The following PTPRE variants were observed in gnomAD, a reference collection of about 807,000 sequenced individuals.
The protein encoded by PTPRE is protein tyrosine phosphatase receptor type E, also known as receptor-type tyrosine-protein phosphatase epsilon.
Under a neutral mutation model 102.0 loss-of-function variants are expected in PTPRE, and 51 were observed. The ratio of observed to expected loss-of-function variants is 0.50; its 90% CI spans 0.40 to 0.63. The LOEUF (loss-of-function observed/expected upper bound fraction) is 0.63, where lower values mean the gene tolerates loss of function less well. Ranked by LOEUF, PTPRE falls within the 30% of genes least tolerant of loss-of-function variation. The pLI is 0.00. For missense variants in PTPRE, 752 were observed against 915.1 expected, an observed-to-expected ratio of 0.82 and a Z score of 2.30; for synonymous variants, 345 against 348.2, an observed-to-expected ratio of 0.99 and a Z score of 0.10.
chr10:128,082,872 T>C lies in PTPRE; in HGVS notation c.2069T>C (p.Ile690Thr), dbSNP rs1356487645. 3.9e-6 allele frequency: 6 copies of C among 1,554,302 alleles called. No individual in the cohort carries two copies. Among genetic ancestry groups the C allele is most frequent in the Non-Finnish European group, 5.2e-6 (6 of 1,159,948 alleles). The stretch of plus-strand genomic sequence containing the variant: ...TGCTACAAAGTGGTACAAGATTTTA[T>C]TGATATATTTTCTGATTATGCTAAT... ...EFCYKVVQDFIDIFSDYANFK is the reference protein window; with the variant it reads ...EFCYKVVQDFTDIFSDYANFK Residue 690 changes from isoleucine to threonine, a missense_variant, in exon 21 of 21, where the codon ATT becomes ACT. Physicochemically the swap from Ile to Thr is moderately conservative, Grantham distance 89. Transcript: ENST00000254667.
intron 1 of PTPRE, among the ~76,000 whole-genome samples, chr10:127,939,952 G>A (rs1202630159): frequency 6.6e-6 from 1 of 151,530 alleles, no homozygotes; most frequent in African/African-American, 2.4e-5. Flanking sequence ...GGAGGCAGGT[G>A]AGGGCAGGCG....
At chr10:127,964,506 A>G (rs1247489545) in intron 1 of PTPRE, among the ~76,000 whole-genome samples, 1 of 151,862 alleles carries the variant, frequency 6.6e-6, no homozygotes, top group South Asian at 2.1e-4. Context: ...TTCTAGGAAT[A>G]TATTTTCATA....
chr10:128,041,004 T>G lies in PTPRE; in HGVS notation c.109+14T>G. ...CCACGACCTCAGGTAAGGACCCCTTTCCCTGGCTGCCTCCCCTACTACCTC... is the reference window on the plus strand; with the variant it reads ...CCACGACCTCAGGTAAGGACCCCTTGCCCTGGCTGCCTCCCCTACTACCTC... On this transcript the variant is annotated intron_variant, in intron 3 of 20. Transcript: ENST00000254667. 1 of 1,611,158 alleles carries G rather than the reference T, an allele frequency of 6.2e-7. No individual in the cohort carries two copies. Among genetic ancestry groups the G allele is most frequent in the Non-Finnish European group, 8.5e-7 (1 of 1,177,642 alleles).
chr10:128,038,140 C>G (rs573291880), intron 2 of PTPRE, among the ~76,000 whole-genome samples: 1 of 152,044 alleles, frequency 6.6e-6, no homozygotes, highest in African/African-American at 2.4e-5. Context: ...TCATTTGGAC[C>G]AATTCATGTC....
intron 1 of PTPRE, among the ~76,000 whole-genome samples, chr10:127,948,343 T>C (rs1848773700): frequency 6.6e-6 from 1 of 152,056 alleles, no homozygotes; most frequent in Non-Finnish European, 1.5e-5. Flanking sequence ...GCCTCCCCAC[T>C]CTCATTATCC....
intron 1 of PTPRE, among the ~76,000 whole-genome samples, chr10:127,981,936 G>A (rs900913990): frequency 7.9e-5 from 12 of 152,180 alleles, no homozygotes; most frequent in Non-Finnish European, 1.8e-4. Context: ...CTTCTGGGGG[G>A]AGGATGGGCT....
intron 20 of PTPRE, among the ~76,000 whole-genome samples, chr10:128,081,094 A>G (rs116631287): frequency 3.2e-3 from 494 of 152,284 alleles, no homozygotes; most frequent in African/African-American, 0.011. Context: ...CAGAAGGGAA[A>G]GGCTTAACTA....
intron 1 of PTPRE, among the ~76,000 whole-genome samples, chr10:127,958,870 A>G (rs1849586397): frequency 6.7e-6 from 1 of 148,714 alleles, no homozygotes; most frequent in Non-Finnish European, 1.5e-5. Context: ...TCTTCAATAG[A>G]TATAATTCTA....
chr10:127,981,234 A>G (rs1023853659), intron 1 of PTPRE, among the ~76,000 whole-genome samples: 1 of 152,242 alleles, frequency 6.6e-6, no homozygotes, highest in African/African-American at 2.4e-5. Context: ...GTGTGAGTCC[A>G]TTTATATGAA....
In PTPRE at chr10:127,944,462, G is replaced by GGACA. The variant is rs1185012700; in HGVS notation, c.-31+37157_-31+37160dup. Among the ~76,000 whole-genome samples, 4 of 143,726 alleles carry GGACA rather than the reference G, an allele frequency of 2.8e-5. No individual in the cohort carries two copies. Among genetic ancestry groups the GGACA allele is most frequent in the Non-Finnish European group, 6.1e-5 (4 of 65,982 alleles). The allele number at this position is 143,726 out of a possible 152,430, so 94.3% of individuals were successfully genotyped here. A position where few individuals can be genotyped will look rare whatever the true frequency, so the allele number is the denominator to read the frequency against. ...TGGATGGACAGATGGATGGATACAT[G>GGACA]GACAGACGGATGGATGGATGGATGG... On this transcript the variant is annotated intron_variant, in intron 1 of 20. Coordinates refer to ENST00000254667, the MANE Select transcript of PTPRE (RefSeq NM_006504.6). This position sits in a 1 kb window ranked among gnomAD's most constrained non-coding sequence, Gnocchi z 4.2.
At chr10:127,967,903 C>A (rs1158197266) in intron 1 of PTPRE, among the ~76,000 whole-genome samples, 1 of 152,122 alleles carries the variant, frequency 6.6e-6, no homozygotes, top group Non-Finnish European at 1.5e-5. Flanking sequence ...TAGATTATAT[C>A]GAAGTATTTT....
At position 127,907,177 on chromosome 10, in the gene PTPRE, C is replaced by G; in HGVS notation, c.-163C>G. On this transcript the variant is annotated 5_prime_UTR_variant, in exon 1 of 21. Transcript: ENST00000254667. The surrounding 1 kb of genome is among the most constrained non-coding windows in gnomAD (Gnocchi z 4.8). ...GAGCGGCTTCAGGAACCCACGGCCTCTGCGCGTCCCCGCGACCCTTCTTCG... is the reference window on the plus strand; with the variant it reads ...GAGCGGCTTCAGGAACCCACGGCCTGTGCGCGTCCCCGCGACCCTTCTTCG... 1 of 840,640 alleles carries G rather than the reference C, an allele frequency of 1.2e-6. No individual in the cohort carries two copies. Among genetic ancestry groups the G allele is most frequent in the Non-Finnish European group, 1.4e-6 (1 of 698,624 alleles). 52.1% of individuals were successfully genotyped at this position (840,640 alleles called of 1,614,324 possible).
At chr10:127,967,596 A>G (rs1850357012) in intron 1 of PTPRE, among the ~76,000 whole-genome samples, 1 of 152,172 alleles carries the variant, frequency 6.6e-6, no homozygotes. Flanking sequence ...TTTCTTTATA[A>G]ATTACCCAGT....
chr10:128,067,206 CCACA>C (rs746277104), intron 11 of PTPRE, among the ~76,000 whole-genome samples: 1 of 113,710 alleles, frequency 8.8e-6, no homozygotes, highest in South Asian at 2.9e-4. Context: ...ACACATACAC[CCACA>C]CACATTCACA....
intron 1 of PTPRE, among the ~76,000 whole-genome samples, chr10:127,909,621 C>T (rs1284791353): frequency 3.9e-5 from 6 of 152,160 alleles, no homozygotes; most frequent in Non-Finnish European, 8.8e-5. Flanking sequence ...TTGTCTTTAT[C>T]CATCCAATTC....
chr10:127,969,532 G>A (rs999685374), intron 1 of PTPRE, among the ~76,000 whole-genome samples: 7 of 152,114 alleles, frequency 4.6e-5, no homozygotes, highest in Non-Finnish European at 1.0e-4. Flanking sequence ...GCTGGGCATG[G>A]TGGTGCACAC....
At chr10:128,024,452 A>G (rs1364055557) in intron 2 of PTPRE, among the ~76,000 whole-genome samples, 2 of 152,232 alleles carry the variant, frequency 1.3e-5, no homozygotes, top group East Asian at 3.8e-4. Context: ...TGGGTCTGTC[A>G]TCTTTATTGG....
At position 127,907,446 on chromosome 10, in the gene PTPRE, C is replaced by T. The variant is rs1486645952; in HGVS notation, c.-31+137C>T. ...GCTCCGGGGCTCAGAGTCCGGACCCCGGCCCCGCCGCCCCCGCGGCGCGCC... is the reference window on the plus strand; with the variant it reads ...GCTCCGGGGCTCAGAGTCCGGACCCTGGCCCCGCCGCCCCCGCGGCGCGCC... On this transcript the variant is annotated intron_variant, in intron 1 of 20. Coordinates refer to ENST00000254667, the MANE Select transcript of PTPRE (RefSeq NM_006504.6). This position sits in a 1 kb window ranked among gnomAD's most constrained non-coding sequence, Gnocchi z 4.8. 1 of 595,124 alleles carries T rather than the reference C, an allele frequency of 1.7e-6. No homozygotes were observed. Among genetic ancestry groups the T allele is most frequent in the Non-Finnish European group, 2.1e-6 (1 of 474,124 alleles). The allele number at this position is 595,124 out of a possible 1,614,324, so 36.9% of individuals were successfully genotyped here. A position where few individuals can be genotyped will look rare whatever the true frequency, so the allele number is the denominator to read the frequency against.
chr10:128,074,527 A>C (rs370069526), intron 17 of PTPRE, among the ~76,000 whole-genome samples: 1 of 152,212 alleles, frequency 6.6e-6, no homozygotes, highest in Non-Finnish European at 1.5e-5. Flanking sequence ...TTAGCTGGGC[A>C]TGGTGGCGGG....
Sources: gnomAD v4.1 joint callset for allele counts (sites outside exome capture counted in the v4.1 genomes callset) on GRCh38, gnomAD v4.1.1 for gene constraint, Gnocchi (gnomAD v3.1) non-coding constraint, MANE v1.5 for transcripts, NCBI Gene and HGNC (gene_info 2026-07-23, HGNC 2026-07-21) for gene names.